The following CSMD1 variants were observed in gnomAD, a reference collection of about 807,000 sequenced individuals.
The protein encoded by CSMD1 is CUB and Sushi multiple domains 1, also known as CUB and sushi domain-containing protein 1.
In CSMD1, 213 loss-of-function variants were observed where a neutral mutation model predicts 417.5. The observed-to-expected ratio is 0.51, with a 90% CI of 0.46 to 0.57. The LOEUF is 0.57. CSMD1 is among the 20% of genes least tolerant of loss of function. The probability of loss-of-function intolerance (pLI) is 0.00; values close to 1 mark genes in which losing one functional copy is unlikely to be tolerated. For synonymous variants in CSMD1, 2,862 were observed against 1,736.8 expected, an observed-to-expected ratio of 1.65 and a Z score of -16.11; for missense variants, 6,923 against 4,529.7, an observed-to-expected ratio of 1.53 and a Z score of -15.17.
intron 5 of CSMD1, among the ~76,000 whole-genome samples, chr8:3,819,041 C>T (rs1025931250): frequency 6.6e-6 from 1 of 152,164 alleles, no homozygotes; most frequent in Admixed American, 6.6e-5. Context: ...GACGGTAAAA[C>T]ATTTCCTGTT....
chr8:3,485,763 A>G (rs1294738496), intron 11 of CSMD1, among the ~76,000 whole-genome samples: 1 of 3,620 alleles, frequency 2.8e-4, no homozygotes, highest in East Asian at 6.3e-3. Context: ...CAGCCTCAAA[A>G]AAATAAAATA....
intron 10 of CSMD1, among the ~76,000 whole-genome samples, chr8:3,548,659 TACAC>T (rs146360407): frequency 0.019 from 2,585 of 133,052 alleles, 27 homozygotes; most frequent in South Asian, 0.047. Flanking sequence ...TATTCCATCA[TACAC>T]ACACACACAC....
At chr8:3,763,971 T>C (rs1412584270) in intron 5 of CSMD1, among the ~76,000 whole-genome samples, 1 of 152,148 alleles carries the variant, frequency 6.6e-6, no homozygotes, top group Non-Finnish European at 1.5e-5. Context: ...ACGTCCTCAA[T>C]TCCCACTCCC....
At chr8:3,487,403 A>C (rs187930976) in intron 11 of CSMD1, among the ~76,000 whole-genome samples, 1 of 152,020 alleles carries the variant, frequency 6.6e-6, no homozygotes, top group Non-Finnish European at 1.5e-5. Flanking sequence ...GGGTTTCACC[A>C]TGTTAGCCAG....
intron 2 of CSMD1, among the ~76,000 whole-genome samples, chr8:4,485,505 G>C (rs1184608293): frequency 6.6e-6 from 1 of 152,118 alleles, no homozygotes; most frequent in East Asian, 1.9e-4. Context: ...TTCAGTTCCT[G>C]ATCTTACCAT....
At chr8:3,622,525 C>T (rs1796304197) in intron 7 of CSMD1, among the ~76,000 whole-genome samples, 1 of 152,162 alleles carries the variant, frequency 6.6e-6, no homozygotes. Flanking sequence ...GGCAAAAACA[C>T]TCTGGATCTT....
chr8:3,343,915 C>G (rs537415813), intron 22 of CSMD1, among the ~76,000 whole-genome samples: 1 of 152,184 alleles, frequency 6.6e-6, no homozygotes, highest in Non-Finnish European at 1.5e-5. Context: ...TAAAGGACAA[C>G]AAGATGTGCC....
chr8:4,302,520 A>G (rs4369007), intron 3 of CSMD1, among the ~76,000 whole-genome samples: 112,134 of 152,016 alleles, frequency 0.74, 41,554 homozygotes, highest in East Asian at 0.85. Context: ...GCTTGCATGT[A>G]GGAAGTCAGA....
At chr8:3,608,474 A>G (rs1244411628) in intron 8 of CSMD1, among the ~76,000 whole-genome samples, 1 of 152,076 alleles carries the variant, frequency 6.6e-6, no homozygotes, top group Non-Finnish European at 1.5e-5. Flanking sequence ...TATATATTAA[A>G]AAAATATGGC....
rs1798315308 is a variant in CSMD1, at chr8:4,049,553, T to A, written c.416-17454A>T. 5.3e-5 allele frequency among the ~76,000 whole-genome samples: 8 copies of A among 152,180 alleles called. No individual in the cohort carries two copies. In the South Asian group the frequency reaches 1.7e-3, roughly 32 times the overall value. ...CTCTAGGGCCAACCTCTTACCTGACTTCTAGATTTTTATACCCAACTACTA... is the reference window on the plus strand; with the variant it reads ...CTCTAGGGCCAACCTCTTACCTGACATCTAGATTTTTATACCCAACTACTA... On this transcript the variant is annotated intron_variant, in intron 3 of 69. Coordinates refer to ENST00000635120, the MANE Select transcript of CSMD1 (RefSeq NM_033225.6).
intron 3 of CSMD1, among the ~76,000 whole-genome samples, chr8:4,032,750 G>C (rs148510875): frequency 6.6e-6 from 1 of 152,108 alleles, no homozygotes; most frequent in South Asian, 2.1e-4. Flanking sequence ...GCTAAGTTTT[G>C]ACAACAGAAA....
intron 3 of CSMD1, among the ~76,000 whole-genome samples, chr8:4,042,525 C>G (rs995052125): frequency 2.0e-5 from 3 of 151,908 alleles, no homozygotes; most frequent in African/African-American, 7.3e-5. Context: ...CACTAGCAGG[C>G]CCATACCACA....
In CSMD1 at chr8:2,997,735, T is replaced by C. The variant is rs188503305; in HGVS notation, c.8377+276A>G. The stretch of plus-strand genomic sequence containing the variant: ...GCTAACTATACAGGGTAGAAATAAA[T>C]GTGTAAATACATGAATAAAAAGAGA... On this transcript the variant is annotated intron_variant, in intron 54 of 69. Transcript: ENST00000635120. Among the ~76,000 whole-genome samples, 261 of 152,212 alleles carry C rather than the reference T, an allele frequency of 1.7e-3. 3 individuals carry two copies. The Middle Eastern group carries it at 0.02, about 12-fold the overall frequency.
chr8:4,616,729 C>G (rs1263029940), intron 2 of CSMD1, among the ~76,000 whole-genome samples: 1 of 152,152 alleles, frequency 6.6e-6, no homozygotes, highest in Non-Finnish European at 1.5e-5. Context: ...TGATGATCAT[C>G]ATTGTGTATG....
chr8:3,160,155 G>C (rs535835407), intron 38 of CSMD1, among the ~76,000 whole-genome samples: 97 of 152,150 alleles, frequency 6.4e-4, no homozygotes, highest in Non-Finnish European at 1.2e-3. Flanking sequence ...ATAGGGTCTT[G>C]CTCTGTCACC....
chr8:3,947,848 C>T (rs1374907536), intron 5 of CSMD1, among the ~76,000 whole-genome samples: 2 of 152,134 alleles, frequency 1.3e-5, no homozygotes, highest in Non-Finnish European at 2.9e-5. Flanking sequence ...ACAGGGCTAA[C>T]AAAACCTCCA....
rs180817103 is a variant in CSMD1 at position 4,191,778 on chromosome 8, T to C, written c.416-159679A>G. On this transcript the variant is annotated intron_variant, in intron 3 of 69. Coordinates refer to ENST00000635120, the MANE Select transcript of CSMD1 (RefSeq NM_033225.6). ...AAAAAAAAAATGGTGGTTCAGTTCATCCTGTGGTTAAGGTTGAATTGACTT... is the reference window on the plus strand; with the variant it reads ...AAAAAAAAAATGGTGGTTCAGTTCACCCTGTGGTTAAGGTTGAATTGACTT... Among the ~76,000 whole-genome samples, 782 of 147,854 alleles carry C rather than the reference T, an allele frequency of 5.3e-3. 6 individuals carry two copies. Among genetic ancestry groups the C allele is most frequent in the Middle Eastern group, 0.011 (3 of 278 alleles).
At chr8:4,301,411 G>A (rs1341870259) in intron 3 of CSMD1, among the ~76,000 whole-genome samples, 1 of 152,126 alleles carries the variant, frequency 6.6e-6, no homozygotes, top group South Asian at 2.1e-4. Context: ...CTCCAGGATG[G>A]TACTGGGAAA....
At chr8:3,344,382 G>A (rs1807851753) in intron 22 of CSMD1, among the ~76,000 whole-genome samples, 1 of 152,178 alleles carries the variant, frequency 6.6e-6, no homozygotes, top group Non-Finnish European at 1.5e-5. Context: ...GAAAGGTGCA[G>A]CAAATCACCA....
Sources: allele counts gnomAD v4.1 joint callset (sites outside exome capture counted in the v4.1 genomes callset), GRCh38; gene constraint gnomAD v4.1.1; transcripts MANE v1.5; gene names NCBI Gene and HGNC (gene_info 2026-07-23, HGNC 2026-07-21).